The following PTGER4 variants were observed in gnomAD, a reference collection of about 807,000 sequenced individuals.
The protein encoded by PTGER4 is prostaglandin E receptor 4.
PTGER4 carries 11 observed loss-of-function variants against 33.2 expected under a neutral mutation model. The ratio of observed to expected loss-of-function variants is 0.33; its 90% CI spans 0.21 to 0.55. The LOEUF is 0.55. Ranked by LOEUF, PTGER4 falls within the 20% of genes least tolerant of loss-of-function variation. The probability of loss-of-function intolerance (pLI) is 0.92; values close to 1 mark genes in which losing one functional copy is unlikely to be tolerated. For synonymous variants in PTGER4, 275 were observed against 281.5 expected (o/e 0.98, Z 0.23); for missense variants, 481 against 650.2 (o/e 0.74, Z 2.83).
rs527553544 is a variant in PTGER4, at chr5:40,691,391, A to G, written c.868-388A>G. Among the ~76,000 whole-genome samples the G allele has an allele frequency of 1.3e-5, 2 of 152,256 alleles. No individual in the cohort carries two copies. The highest frequency in any genetic ancestry group is 4.8e-5 in the African/African-American group (2 of 41,478). ...GAGATGGGGTTTCACCATGTTGGCC[A>G]GGAGGTTCTCAATCTCTTGACCTAG... On this transcript the variant is annotated intron_variant, in intron 2 of 2. Coordinates refer to ENST00000302472, the MANE Select transcript of PTGER4 (RefSeq NM_000958.3). The surrounding 1 kb of genome is among the most constrained non-coding windows in gnomAD (Gnocchi z 4.2).
At chr5:40,746,041 G>T in the PTGER4 span, among the ~76,000 whole-genome samples, 93 of 151,990 alleles carry the variant, frequency 6.1e-4, no homozygotes, top group Non-Finnish European at 1.1e-3. Context: ...TCCCTCCAGG[G>T]TCCATCTTTG....
chr5:40,692,987 AT>A lies in PTGER4; in HGVS notation c.*611del. 1 of 930,126 alleles carries A rather than the reference AT, an allele frequency of 1.1e-6. No homozygotes were observed. The highest frequency in any genetic ancestry group is 1.3e-6 in the Non-Finnish European group (1 of 779,458). 57.6% of individuals were successfully genotyped at this position (930,126 alleles called of 1,614,324 possible). ...AAACAAGTTCGAGTCAAAGTTGAAA[AT>A]TCATAGTAAGATTGATATCTATAAA... On this transcript the variant is annotated 3_prime_UTR_variant, in exon 3 of 3. Transcript: ENST00000302472.
the PTGER4 span, among the ~76,000 whole-genome samples, chr5:40,736,234 C>T: frequency 4.1e-4 from 63 of 152,150 alleles, no homozygotes; most frequent in Non-Finnish European, 8.4e-4. Flanking sequence ...TCATTCTACA[C>T]TGACTGTATC....
chr5:40,730,125 G>GT, the PTGER4 span: 1 of 627,536 alleles, frequency 1.6e-6, no homozygotes, highest in South Asian at 2.3e-5. Flanking sequence ...ATAAATAATG[G>GT]TGAAATATTT....
chr5:40,703,158 A>C, the PTGER4 span, among the ~76,000 whole-genome samples: 1 of 152,182 alleles, frequency 6.6e-6, no homozygotes, highest in African/African-American at 2.4e-5. Flanking sequence ...AACAAAAATC[A>C]GAGCTGAAAA....
the PTGER4 span, among the ~76,000 whole-genome samples, chr5:40,719,831 T>G: frequency 6.6e-6 from 1 of 152,258 alleles, no homozygotes; most frequent in Admixed American, 6.5e-5. Context: ...GCTGTGTGTG[T>G]ATCTTCTTTG....
At chr5:40,684,995 T>G (rs1579644473) in intron 2 of PTGER4, among the ~76,000 whole-genome samples, 1 of 152,326 alleles carries the variant, frequency 6.6e-6, no homozygotes, top group Non-Finnish European at 1.5e-5. Context: ...GATGAATTAC[T>G]AGTGCCTAAT....
intron 2 of PTGER4, among the ~76,000 whole-genome samples, chr5:40,689,720 A>C (rs1741422151): frequency 6.6e-6 from 1 of 152,160 alleles, no homozygotes; most frequent in African/African-American, 2.4e-5. Context: ...GTCTTGTTAG[A>C]GATATTTGCC....
the PTGER4 span, among the ~76,000 whole-genome samples, chr5:40,725,915 A>T: frequency 2.0e-5 from 3 of 151,310 alleles, no homozygotes; most frequent in African/African-American, 7.3e-5. Context: ...CCTCCCGAGC[A>T]GCTGGGACTA....
the PTGER4 span, among the ~76,000 whole-genome samples, chr5:40,736,848 A>G: frequency 6.6e-6 from 1 of 151,832 alleles, no homozygotes; most frequent in Non-Finnish European, 1.5e-5. Context: ...ATTTGAATGG[A>G]GGTAATCTGA....
chr5:40,703,902 CAAAAAAAAAAAAAAAAAAAAAAAAAAA>C, the PTGER4 span, among the ~76,000 whole-genome samples: 57 of 37,266 alleles, frequency 1.5e-3, no homozygotes, highest in East Asian at 8.3e-3. Context: ...GACGCCGTCT[CAAAAAAAAAAAAAAAAAAAAAAAAAAA>C]AAAAAAAAAA....
At chr5:40,703,222 CA>C in the PTGER4 span, among the ~76,000 whole-genome samples, 98,869 of 146,754 alleles carry the variant, frequency 0.67, 32,791 homozygotes, top group East Asian at 0.8. Flanking sequence ...TGGTTTTTTG[CA>C]AAAAAAAAAA....
chr5:40,709,450 A>C, the PTGER4 span, among the ~76,000 whole-genome samples: 1 of 152,218 alleles, frequency 6.6e-6, no homozygotes, highest in Non-Finnish European at 1.5e-5. Context: ...CAAAGAGAAT[A>C]AAATACCTAG....
chr5:40,695,905 T>C (rs1193471886), downstream of PTGER4, among the ~76,000 whole-genome samples: 1 of 152,130 alleles, frequency 6.6e-6, no homozygotes, highest in African/African-American at 2.4e-5. Context: ...AAGATGGAAC[T>C]GATGCTGGGG....
intron 2 of PTGER4, among the ~76,000 whole-genome samples, chr5:40,682,672 G>A (rs769147065): frequency 6.6e-6 from 1 of 152,168 alleles, no homozygotes; most frequent in Admixed American, 6.5e-5. Context: ...TTGAATTCTC[G>A]ACAACTGTGC....
the PTGER4 span, chr5:40,728,496 A>C: frequency 6.4e-7 from 1 of 1,573,324 alleles, no homozygotes. Flanking sequence ...AAAAAAGACC[A>C]AAAAATCTGT....
the PTGER4 span, among the ~76,000 whole-genome samples, chr5:40,705,266 AG>A: frequency 6.6e-6 from 1 of 152,244 alleles, no homozygotes; most frequent in African/African-American, 2.4e-5. Flanking sequence ...ATAACCAGCT[AG>A]CCATATGCAG....
At chr5:40,737,152 C>A in the PTGER4 span, among the ~76,000 whole-genome samples, 6 of 152,214 alleles carry the variant, frequency 3.9e-5, no homozygotes, top group African/African-American at 1.4e-4. Context: ...AAAAAATCAG[C>A]CAGGCATGGT....
the PTGER4 span, chr5:40,728,353 T>A: frequency 2.5e-6 from 4 of 1,592,694 alleles, no homozygotes; most frequent in African/African-American, 5.4e-5. Flanking sequence ...ACCAGGATTA[T>A]CTCTCCTAAA....
Sources: allele counts gnomAD v4.1 joint callset (sites outside exome capture counted in the v4.1 genomes callset), GRCh38; gene constraint gnomAD v4.1.1; non-coding constraint Gnocchi (gnomAD v3.1); transcripts MANE v1.5; gene names NCBI Gene and HGNC (gene_info 2026-07-23, HGNC 2026-07-21).